Variants in TUSC3 observed in about 807,000 individuals in gnomAD.
TUSC3 encodes dolichyl-diphosphooligosaccharide--protein glycosyltransferase subunit TUSC3.
Under a neutral mutation model 44.8 loss-of-function variants are expected in TUSC3, and 45 were observed. That is an observed-to-expected ratio of 1.00 (90% CI 0.79 to 1.29). TUSC3 has a LOEUF of 1.29. TUSC3 is among the 50% of genes most tolerant of loss of function. The probability of loss-of-function intolerance (pLI) is 0.00; values close to 1 mark genes in which losing one functional copy is unlikely to be tolerated. For missense variants in TUSC3, 519 were observed against 437.9 expected (o/e 1.19, Z -1.65); for synonymous variants, 212 against 152.9 (o/e 1.39, Z -2.85).
Position 15,528,161 on chromosome 8 carries a change from AT to A in TUSC3, n.189+44679del, listed in dbSNP as rs144561513. ...TTCAATTAAGCACAATTTTGGTACT[AT>A]AAAAAATACTCAGCTCAGCATTTGT... On this transcript the variant is annotated intron_variant and non_coding_transcript_variant, in intron 2 of 5. Coordinates refer to the TUSC3 transcript ENST00000503191. Among the ~76,000 whole-genome samples, 554 of 152,318 alleles carry A rather than the reference AT, an allele frequency of 3.6e-3. 17 individuals carry two copies. In the East Asian group the frequency reaches 0.087, roughly 24 times the overall value.
At chr8:15,792,092 A>G in the TUSC3 span, among the ~76,000 whole-genome samples, 2 of 150,852 alleles carry the variant, frequency 1.3e-5, no homozygotes, top group African/African-American at 2.4e-5. Context: ...TTTGGAAAAC[A>G]AATGAATCTC....
chr8:15,763,353 C>T (rs187142918), intron 10 of TUSC3, among the ~76,000 whole-genome samples: 1 of 151,458 alleles, frequency 6.6e-6, no homozygotes, highest in Admixed American at 6.6e-5. Flanking sequence ...ATAAAACTTA[C>T]CTACTTTGGA....
intron 1 of TUSC3, among the ~76,000 whole-genome samples, chr8:15,582,439 T>G (rs1803406645): frequency 1.3e-5 from 2 of 152,236 alleles, no homozygotes; most frequent in Admixed American, 1.3e-4. Context: ...CGTACCTTCA[T>G]GCTATAATGA....
At chr8:15,483,850 G>C (rs1800699450) in intron 2 of TUSC3, among the ~76,000 whole-genome samples, 1 of 150,556 alleles carries the variant, frequency 6.6e-6, no homozygotes, top group Admixed American at 6.6e-5. Flanking sequence ...GTAGAGACGG[G>C]GTTTCACTGT....
At chr8:15,760,391 A>G (rs1311271415) in intron 10 of TUSC3, among the ~76,000 whole-genome samples, 3 of 152,190 alleles carry the variant, frequency 2.0e-5, no homozygotes, top group South Asian at 2.1e-4. Context: ...TACAATATAT[A>G]TGATTTTACA....
the TUSC3 span, among the ~76,000 whole-genome samples, chr8:15,814,736 T>TA: frequency 6.6e-6 from 1 of 152,206 alleles, no homozygotes; most frequent in African/African-American, 2.4e-5. Flanking sequence ...CCTGTGGACT[T>TA]AGAGATTTAC....
intron 7 of TUSC3, among the ~76,000 whole-genome samples, chr8:15,734,667 G>A (rs1255104247): frequency 6.6e-6 from 1 of 152,182 alleles, no homozygotes; most frequent in African/African-American, 2.4e-5. Context: ...ACAAATGTAT[G>A]CGAAGGCAAA....
the TUSC3 span, among the ~76,000 whole-genome samples, chr8:15,843,513 A>T: frequency 0.46 from 70,038 of 151,284 alleles, 18,204 homozygotes; most frequent in Non-Finnish European, 0.6. Flanking sequence ...GATAGAAGAG[A>T]TAAAGTTGAT....
chr8:15,456,867 A>G (rs1433085552), intron 1 of TUSC3, among the ~76,000 whole-genome samples: 1 of 152,154 alleles, frequency 6.6e-6, no homozygotes, highest in African/African-American at 2.4e-5. Flanking sequence ...GTAATAGAGA[A>G]CTATTTCTTA....
At chr8:15,609,698 G>T (rs1055851216) in intron 1 of TUSC3, among the ~76,000 whole-genome samples, 2 of 151,598 alleles carry the variant, frequency 1.3e-5, no homozygotes, top group African/African-American at 4.8e-5. Flanking sequence ...TGATAGTAGG[G>T]TATTGTACTT....
chr8:15,629,568 T>TTC (rs1805666733), intron 2 of TUSC3, among the ~76,000 whole-genome samples: 1 of 151,356 alleles, frequency 6.6e-6, no homozygotes. Context: ...TTTTTTTTTT[T>TTC]TTCACGTGAA....
the TUSC3 span, among the ~76,000 whole-genome samples, chr8:15,827,582 T>C: frequency 1.3e-5 from 2 of 152,202 alleles, no homozygotes; most frequent in Non-Finnish European, 2.9e-5. Context: ...CTCTAGATTT[T>C]AGGCTTGAAA....
At chr8:15,617,973 T>C (rs1805067473) in intron 1 of TUSC3, among the ~76,000 whole-genome samples, 2 of 152,230 alleles carry the variant, frequency 1.3e-5, no homozygotes, top group Admixed American at 1.3e-4. Context: ...AATAGTACTC[T>C]ACTAAATATT....
intron 1 of TUSC3, among the ~76,000 whole-genome samples, chr8:15,591,357 T>C (rs1438661297): frequency 6.6e-6 from 1 of 152,140 alleles, no homozygotes; most frequent in Non-Finnish European, 1.5e-5. Context: ...CTTTCTCCTA[T>C]AAAACATGTC....
intron 1 of TUSC3, among the ~76,000 whole-genome samples, chr8:15,622,141 C>T (rs1299603888): frequency 6.6e-6 from 1 of 152,148 alleles, no homozygotes; most frequent in African/African-American, 2.4e-5. Flanking sequence ...TGGCACATTT[C>T]AAGCCTCCCT....
intron 1 of TUSC3, among the ~76,000 whole-genome samples, 167 bp downstream of exon 1, chr8:15,540,735 C>G (rs182295916): frequency 6.6e-6 from 1 of 152,216 alleles, no homozygotes; most frequent in African/African-American, 2.4e-5. Flanking sequence ...GTTTCCGGGA[C>G]GTGGAGTTAG....
chr8:15,811,512 A>C, the TUSC3 span, among the ~76,000 whole-genome samples: 1 of 152,194 alleles, frequency 6.6e-6, no homozygotes, highest in South Asian at 2.1e-4. Flanking sequence ...GCCAGCTGTC[A>C]AGGAGACTGG....
chr8:15,483,110 G>C (rs894289993), intron 1 of TUSC3, among the ~76,000 whole-genome samples: 14 of 152,068 alleles, frequency 9.2e-5, no homozygotes, highest in African/African-American at 3.4e-4. Context: ...GAAACGGGAA[G>C]AAAAGAATAA....
intron 1 of TUSC3, among the ~76,000 whole-genome samples, chr8:15,471,274 C>T (rs1259704699): frequency 6.6e-6 from 1 of 152,150 alleles, no homozygotes; most frequent in Non-Finnish European, 1.5e-5. Context: ...GAAGTGATTT[C>T]ATCTTAAGAA....
Sources: gnomAD v4.1 joint callset for allele counts (sites outside exome capture counted in the v4.1 genomes callset) on GRCh38, gnomAD v4.1.1 for gene constraint, MANE v1.5 for transcripts, NCBI Gene and HGNC (gene_info 2026-07-23, HGNC 2026-07-21) for gene names.